CFDP1: variants seen among roughly 807,000 people sequenced by gnomAD.
CFDP1 encodes the protein heterochromatin-stabilizing protein CFDP1.
CFDP1 carries 31 observed loss-of-function variants against 40.1 expected under a neutral mutation model. That is an observed-to-expected ratio of 0.77 (90% CI 0.58 to 1.04). CFDP1 has a LOEUF of 1.04. Among genes scored for constraint, CFDP1 ranks in the 50% least tolerant of loss-of-function variants. The pLI is 0.00. For synonymous variants in CFDP1, 167 were observed against 120.0 expected, an observed-to-expected ratio of 1.39 and a Z score of -2.56; for missense variants, 423 against 343.4, an observed-to-expected ratio of 1.23 and a Z score of -1.83.
At chr16:75,355,148 T>A (rs1333888624) in intron 5 of CFDP1, among the ~76,000 whole-genome samples, 1 of 152,230 alleles carries the variant, frequency 6.6e-6, no homozygotes, top group African/African-American at 2.4e-5. Context: ...CTTCAGTGAA[T>A]CAAAATCATT....
At chr16:75,325,183 G>C (rs1347191070) in intron 5 of CFDP1, 1 of 152,384 alleles carries the variant, frequency 6.6e-6, no homozygotes, top group Non-Finnish European at 1.5e-5. Context: ...ACAGCCTTGA[G>C]GGCCCTAGTC....
intron 5 of CFDP1, among the ~76,000 whole-genome samples, chr16:75,390,849 G>A (rs1399687795): frequency 2.0e-5 from 3 of 152,150 alleles, no homozygotes; most frequent in Non-Finnish European, 4.4e-5. Context: ...TCAGGCCTAG[G>A]GGTAGTAATA....
At chr16:75,297,843 C>T (rs1408523536) in intron 6 of CFDP1, among the ~76,000 whole-genome samples, 1 of 152,142 alleles carries the variant, frequency 6.6e-6, no homozygotes, top group Admixed American at 6.5e-5. Flanking sequence ...TCCCTGAGAT[C>T]TAGGCCAATG....
chr16:75,381,049 G>T (rs989293302), intron 5 of CFDP1, among the ~76,000 whole-genome samples: 1 of 152,216 alleles, frequency 6.6e-6, no homozygotes, highest in Admixed American at 6.5e-5. Flanking sequence ...GTGGCACGTA[G>T]AGTGGAGAGA....
chr16:75,386,864 T>C (rs975793497), intron 5 of CFDP1, among the ~76,000 whole-genome samples: 3 of 152,246 alleles, frequency 2.0e-5, no homozygotes, highest in East Asian at 1.9e-4. Context: ...TTCATACTTA[T>C]CTCAGTTACT....
intron 5 of CFDP1, among the ~76,000 whole-genome samples, chr16:75,328,826 A>T (rs945982270): frequency 2.7e-5 from 4 of 146,846 alleles, no homozygotes. Context: ...TTACAGGCAC[A>T]TGCCACCATG....
In CFDP1 at chr16:75,400,414, G is replaced by A. The variant is rs193116349; in HGVS notation, c.531-5205C>T. Among the ~76,000 whole-genome samples the A allele has an allele frequency of 3.9e-5, 6 of 152,310 alleles. No individual in the cohort carries two copies. The East Asian group carries it at 1.2e-3, about 29-fold the overall frequency. ...TGGCCAAAAACAGGCAAGCCAATGTGTACTAAAGTACCCTAGAAAGGCTCA... is the reference window on the plus strand; with the variant it reads ...TGGCCAAAAACAGGCAAGCCAATGTATACTAAAGTACCCTAGAAAGGCTCA... On this transcript the variant is annotated intron_variant, in intron 4 of 6. Coordinates refer to ENST00000283882, the MANE Select transcript of CFDP1 (RefSeq NM_006324.3).
At chr16:75,311,519 A>G (rs1439874036) in intron 5 of CFDP1, among the ~76,000 whole-genome samples, 1 of 152,174 alleles carries the variant, frequency 6.6e-6, no homozygotes, top group Non-Finnish European at 1.5e-5. Context: ...AAAATATTCA[A>G]CACTACACTT....
intron 1 of CFDP1, among the ~76,000 whole-genome samples, chr16:75,433,036 T>C (rs531136066): frequency 5.9e-5 from 9 of 152,288 alleles, no homozygotes; most frequent in African/African-American, 2.2e-4. Flanking sequence ...GCCGTGTCCA[T>C]GTGCCGGTTC....
intron 5 of CFDP1, among the ~76,000 whole-genome samples, chr16:75,329,194 C>T (rs1011840887): frequency 2.0e-5 from 3 of 152,058 alleles, no homozygotes; most frequent in African/African-American, 7.2e-5. Context: ...CCATGTTGGC[C>T]GGGCTGGTCT....
chr16:75,327,488 A>G (rs2078411092), intron 5 of CFDP1, among the ~76,000 whole-genome samples: 1 of 152,120 alleles, frequency 6.6e-6, no homozygotes, highest in Non-Finnish European at 1.5e-5. Flanking sequence ...GGGACTGACA[A>G]ATTATAGAAT....
chr16:75,308,385 C>T (rs2078272223), intron 5 of CFDP1, among the ~76,000 whole-genome samples: 1 of 152,198 alleles, frequency 6.6e-6, no homozygotes, highest in Admixed American at 6.5e-5. Context: ...AAATAAACTC[C>T]CTGCACTCAA....
intron 5 of CFDP1, among the ~76,000 whole-genome samples, chr16:75,354,741 G>A (rs1796356310): frequency 6.6e-6 from 1 of 152,156 alleles, no homozygotes; most frequent in South Asian, 2.1e-4. Context: ...CAGGGTATCC[G>A]CAACTGGATC....
chr16:75,386,052 A>T (rs1401229292), intron 5 of CFDP1, among the ~76,000 whole-genome samples: 1 of 152,162 alleles, frequency 6.6e-6, no homozygotes, highest in Non-Finnish European at 1.5e-5. Flanking sequence ...AAAGTCTGTG[A>T]TCCTAGCAAA....
Position 75,369,972 on chromosome 16 carries a change from C to G in CFDP1, c.650+25118G>C, listed in dbSNP as rs9923446. On this transcript the variant is annotated intron_variant, in intron 5 of 6. Transcript: ENST00000283882. ...TATTTTTAGTAGAGACAGGGTTTCA[C>G]CATGTCGTCCAGGCTGGTCTCAAAC... Among the ~76,000 whole-genome samples the G allele has an allele frequency of 7.5e-3, 1,139 of 152,242 alleles. 13 individuals are homozygous for G. The highest frequency in any genetic ancestry group is 0.026 in the African/African-American group (1,069 of 41,544).
At chr16:75,316,563 C>G (rs570052050) in intron 5 of CFDP1, among the ~76,000 whole-genome samples, 4 of 132,084 alleles carry the variant, frequency 3.0e-5, no homozygotes, top group Non-Finnish European at 6.3e-5. Context: ...AGGATGAGAC[C>G]CTGTCTAAAA....
Position 75,423,975 on chromosome 16 carries a change from C to A in CFDP1, c.65-9280G>T, listed in dbSNP as rs543633677. On this transcript the variant is annotated intron_variant, in intron 1 of 6. Transcript: ENST00000283882. Reference sequence around the variant, plus strand: ...CAAATTCAGCAATGTATAAATATATCCTGACCAAGTGAGCTGTCTCCCAGA... The same window carrying A: ...CAAATTCAGCAATGTATAAATATATACTGACCAAGTGAGCTGTCTCCCAGA... 2.6e-5 allele frequency among the ~76,000 whole-genome samples: 4 copies of A among 152,274 alleles called. No individual in the cohort carries two copies. The South Asian group carries it at 8.3e-4, about 32-fold the overall frequency.
chr16:75,394,894 C>T, intron 5 of CFDP1, 196 bp downstream of exon 5: 1 of 601,022 alleles, frequency 1.7e-6, no homozygotes, highest in Non-Finnish European at 2.7e-6. Context: ...CTCCTGGGTT[C>T]AAGCAATCCT....
chr16:75,312,582 T>C (rs912358045), intron 5 of CFDP1, among the ~76,000 whole-genome samples: 1 of 152,176 alleles, frequency 6.6e-6, no homozygotes, highest in African/African-American at 2.4e-5. Flanking sequence ...GCTCTACATC[T>C]TTATAACGTG....
Sources: allele counts gnomAD v4.1 joint callset (sites outside exome capture counted in the v4.1 genomes callset), GRCh38; gene constraint gnomAD v4.1.1; transcripts MANE v1.5; gene names NCBI Gene and HGNC (gene_info 2026-07-23, HGNC 2026-07-21).